Variants in PTPRT observed in about 807,000 individuals in gnomAD.
The protein encoded by PTPRT is protein tyrosine phosphatase receptor type T.
Under a neutral mutation model 176.8 loss-of-function variants are expected in PTPRT, and 56 were observed. The observed-to-expected ratio is 0.32, with a 90% CI of 0.26 to 0.40. PTPRT has a LOEUF of 0.40. PTPRT is among the 10% of genes least tolerant of loss of function. The pLI is 1.00. For missense variants in PTPRT, 1,540 were observed against 1,908.2 expected (o/e 0.81, Z 3.60); for synonymous variants, 783 against 739.0 (o/e 1.06, Z -0.96).
chr20:42,988,389 C>A (rs186213093), intron 1 of PTPRT, among the ~76,000 whole-genome samples: 5 of 152,292 alleles, frequency 3.3e-5, no homozygotes, highest in Admixed American at 3.3e-4. Context: ...GAAGTGGTGA[C>A]ATTTAAGTGA....
At position 42,756,514 on chromosome 20, in the gene PTPRT, G is replaced by T. The variant is rs951690649; in HGVS notation, c.807C>A (p.Ile269=). 15 of 1,611,120 alleles carry T rather than the reference G, an allele frequency of 9.3e-6. No individual in the cohort carries two copies. In the Admixed American group the frequency reaches 1.8e-4, roughly 20 times the overall value. ...QRSVSKYRCV[I]RSDGGSGVSN... is the part of the protein sequence containing the mutation. ...ACACACCAGACCCACCATCAGAGCG[G>T]ATCACACAGCGGTACTTGCTGACGC... Residue 269 remains isoleucine, a synonymous_variant, in exon 6 of 31, where the codon ATC becomes ATA. Transcript: ENST00000373187.
intron 11 of PTPRT, among the ~76,000 whole-genome samples, chr20:42,333,271 G>A (rs950023729): frequency 6.6e-6 from 1 of 152,146 alleles, no homozygotes; most frequent in African/African-American, 2.4e-5. Context: ...ATGTGAAACT[G>A]TATCTCTTCA....
intron 7 of PTPRT, among the ~76,000 whole-genome samples, chr20:42,646,734 T>A (rs1254584376): frequency 1.3e-5 from 2 of 151,774 alleles, no homozygotes; most frequent in African/African-American, 4.8e-5. Flanking sequence ...AGCTTCTGGG[T>A]AAAACTAAGG....
chr20:42,148,442 C>A lies in PTPRT; in HGVS notation c.2683-6440G>T, dbSNP rs745743615. On this transcript the variant is annotated intron_variant, in intron 17 of 30. Transcript: ENST00000373187. ...GGTCCTGAGACAGGAAATGACTTGC[C>A]CAAGAATATACATTGAGTCTGTCCC... Among the ~76,000 whole-genome samples, 100 of 151,948 alleles carry A rather than the reference C, an allele frequency of 6.6e-4. 1 individual carries two copies. Among genetic ancestry groups the A allele is most frequent in the Non-Finnish European group, 2.1e-4 (14 of 67,988 alleles).
At chr20:42,895,027 C>T (rs2079269266) in intron 1 of PTPRT, among the ~76,000 whole-genome samples, 1 of 152,126 alleles carries the variant, frequency 6.6e-6, no homozygotes, top group South Asian at 2.1e-4. Flanking sequence ...TTACAGGGCA[C>T]AGAAAAATAA....
chr20:42,116,684 G>A (rs543640558), intron 21 of PTPRT, among the ~76,000 whole-genome samples: 2 of 152,258 alleles, frequency 1.3e-5, no homozygotes, highest in South Asian at 4.2e-4. Context: ...TCAACTGTTG[G>A]TAAGGGATGG....
chr20:42,879,216 T>C (rs1182848232), intron 2 of PTPRT, among the ~76,000 whole-genome samples: 1 of 152,162 alleles, frequency 6.6e-6, no homozygotes, highest in African/African-American at 2.4e-5. Context: ...AACAGAAACC[T>C]ATTGTCTCAC....
At chr20:42,474,305 G>A (rs940041937) in intron 7 of PTPRT, among the ~76,000 whole-genome samples, 9 of 152,138 alleles carry the variant, frequency 5.9e-5, no homozygotes, top group African/African-American at 2.2e-4. Flanking sequence ...AAGAGGGGAT[G>A]CTATTGGTGC....
intron 6 of PTPRT, among the ~76,000 whole-genome samples, chr20:42,734,782 G>T (rs1341456291): frequency 1.3e-5 from 2 of 152,180 alleles, no homozygotes; most frequent in East Asian, 3.9e-4. Flanking sequence ...AGGAGCTGTT[G>T]CTGCCAGGGG....
the PTPRT span, among the ~76,000 whole-genome samples, chr20:42,059,636 G>T: frequency 5.9e-5 from 9 of 152,248 alleles, 1 homozygote; most frequent in Admixed American, 5.2e-4. Context: ...TGGCCACAGG[G>T]TCAGATCTGA....
At chr20:42,892,713 C>A (rs1269777360) in intron 1 of PTPRT, among the ~76,000 whole-genome samples, 1 of 152,104 alleles carries the variant, frequency 6.6e-6, no homozygotes, top group Non-Finnish European at 1.5e-5. Flanking sequence ...TCTCATGATT[C>A]TTGGGGGAGA....
At chr20:42,206,561 TGCGCATTTCCGACG>T (rs2055469569) in intron 15 of PTPRT, among the ~76,000 whole-genome samples, 1 of 152,106 alleles carries the variant, frequency 6.6e-6, no homozygotes, top group Non-Finnish European at 1.5e-5. Flanking sequence ...ACCCGAATAC[TGCGCATTTCCGACG>T]GGCTTAAAAA....
chr20:43,046,168 C>T (rs1003261930), intron 1 of PTPRT, among the ~76,000 whole-genome samples: 1 of 152,094 alleles, frequency 6.6e-6, no homozygotes, highest in Non-Finnish European at 1.5e-5. Context: ...TGAATTAAGA[C>T]AATCACTGTA....
Position 42,533,571 on chromosome 20 carries a change from G to C in PTPRT, c.1154-61009C>G, listed in dbSNP as rs552157928. On this transcript the variant is annotated intron_variant, in intron 7 of 30. Transcript: ENST00000373187. ...ACAATTAAGAGAAAAAACTCAAGTT[G>C]GTGTTTTAGCTCTGCCATTACTAGC... Among the ~76,000 whole-genome samples the C allele has an allele frequency of 3.3e-5, 5 of 152,280 alleles. No homozygotes were observed. In the East Asian group the frequency reaches 7.7e-4, roughly 24 times the overall value.
chr20:42,668,451 G>C (rs1007611391), intron 7 of PTPRT, among the ~76,000 whole-genome samples: 1 of 152,158 alleles, frequency 6.6e-6, no homozygotes, highest in Non-Finnish European at 1.5e-5. Flanking sequence ...TTCCCTCCCA[G>C]CACTACAGTC....
intron 1 of PTPRT, among the ~76,000 whole-genome samples, chr20:43,140,493 T>TAC (rs1256051477): frequency 1.8e-4 from 26 of 144,854 alleles, no homozygotes; most frequent in Middle Eastern, 7.0e-3. Flanking sequence ...TGTGTGTGTG[T>TAC]GTACATACAT....
intron 7 of PTPRT, among the ~76,000 whole-genome samples, chr20:42,630,746 G>A (rs2074387911): frequency 6.6e-6 from 1 of 152,130 alleles, no homozygotes; most frequent in African/African-American, 2.4e-5. Context: ...GGAAACAAAG[G>A]GTTATTAGCG....
chr20:42,235,254 A>G (rs532787738), intron 15 of PTPRT, among the ~76,000 whole-genome samples: 1 of 150,260 alleles, frequency 6.7e-6, no homozygotes, highest in African/African-American at 2.4e-5. Context: ...GTTGTTATTT[A>G]TTATTATTAT....
At chr20:42,810,445 T>G (rs1320965441) in intron 2 of PTPRT, among the ~76,000 whole-genome samples, 1 of 152,176 alleles carries the variant, frequency 6.6e-6, no homozygotes, top group East Asian at 1.9e-4. Context: ...ATCTATTGAA[T>G]CTGAATCAGC....
Sources: allele counts gnomAD v4.1 joint callset (sites outside exome capture counted in the v4.1 genomes callset), GRCh38; gene constraint gnomAD v4.1.1; transcripts MANE v1.5; gene names NCBI Gene and HGNC (gene_info 2026-07-23, HGNC 2026-07-21).